ACTR3C: variants seen among roughly 807,000 people sequenced by gnomAD.
ACTR3C encodes actin-related protein 3C.
In ACTR3C, 18 loss-of-function variants were observed where a neutral mutation model predicts 26.3. The ratio of observed to expected loss-of-function variants is 0.68; its 90% confidence interval spans 0.47 to 1.01. The LOEUF (loss-of-function observed/expected upper bound fraction) is 1.01. Ranked by LOEUF, ACTR3C falls within the 50% of genes least tolerant of loss-of-function variation. The pLI is 0.00. For synonymous variants in ACTR3C, 55 were observed against 94.5 expected (o/e 0.58, Z 2.42); for missense variants, 184 against 250.7 (o/e 0.73, Z 1.80).
At chr7:150,170,325 G>A in the ACTR3C span, among the ~76,000 whole-genome samples, 1 of 150,810 alleles carries the variant, frequency 6.6e-6, no homozygotes, top group Non-Finnish European at 1.5e-5. Flanking sequence ...TTTGAAGGTG[G>A]CATCTCTTCA....
the ACTR3C span, among the ~76,000 whole-genome samples, chr7:150,087,964 T>C: frequency 1.1e-4 from 16 of 152,200 alleles, no homozygotes; most frequent in Admixed American, 3.3e-4. Flanking sequence ...ACAACAGCCA[T>C]TGTGAACTGT....
chr7:150,048,931 C>A, the ACTR3C span, among the ~76,000 whole-genome samples: 2 of 152,048 alleles, frequency 1.3e-5, no homozygotes, highest in African/African-American at 4.8e-5. Context: ...CCCTCGCGGG[C>A]GCTGCGCCCC....
chr7:149,930,292 TG>T, the ACTR3C span, among the ~76,000 whole-genome samples: 1 of 152,228 alleles, frequency 6.6e-6, no homozygotes, highest in African/African-American at 2.4e-5. Context: ...AGGGAAAATG[TG>T]TCCTCAGAAA....
the ACTR3C span, among the ~76,000 whole-genome samples, chr7:150,013,579 C>T: frequency 1.7e-4 from 26 of 152,320 alleles, no homozygotes; most frequent in Middle Eastern, 3.4e-3. Context: ...TGGGATTGGC[C>T]GTTCCCTCCT....
chr7:150,093,446 A>T, the ACTR3C span, among the ~76,000 whole-genome samples: 1 of 151,302 alleles, frequency 6.6e-6, no homozygotes, highest in Non-Finnish European at 1.5e-5. Flanking sequence ...AAGCCCAAAG[A>T]TACATCGACA....
At chr7:149,917,447 C>T in the ACTR3C span, among the ~76,000 whole-genome samples, 1 of 152,144 alleles carries the variant, frequency 6.6e-6, no homozygotes, top group East Asian at 1.9e-4. Flanking sequence ...TATCTTTTGA[C>T]AGCAGTAATA....
chr7:150,287,771 G>A (rs1835906080), intron 4 of ACTR3C, among the ~76,000 whole-genome samples: 1 of 147,472 alleles, frequency 6.8e-6, no homozygotes, highest in African/African-American at 2.6e-5. Context: ...TGTGTTCTTT[G>A]ATGACACAGA....
chr7:150,097,190 A>G, the ACTR3C span, among the ~76,000 whole-genome samples: 3 of 151,882 alleles, frequency 2.0e-5, no homozygotes, highest in Non-Finnish European at 4.4e-5. Context: ...TCCCCAAAGA[A>G]TCACAGGACT....
the ACTR3C span, among the ~76,000 whole-genome samples, chr7:150,058,592 T>A: frequency 1.3e-5 from 2 of 152,158 alleles, no homozygotes; most frequent in Admixed American, 6.5e-5. Flanking sequence ...TGTGAGGATT[T>A]GATGCTCAAA....
chr7:149,894,054 A>G, the ACTR3C span, among the ~76,000 whole-genome samples: 1 of 152,248 alleles, frequency 6.6e-6, no homozygotes, highest in Non-Finnish European at 1.5e-5. Context: ...TACAGTAATC[A>G]AAACAGCTTG....
chr7:150,274,332 A>G lies in ACTR3C; in HGVS notation c.564+10421T>C, dbSNP rs987380308. ...GCACACGCTCACTTCGTGTCTCTGT[A>G]TCAGCATATTTTAGCAATAACATAT... On this transcript the variant is annotated intron_variant, in intron 6 of 7. Coordinates refer to ENST00000683684, the MANE Select transcript of ACTR3C (RefSeq NM_001164458.2). This position sits in a 1 kb window ranked among gnomAD's most constrained non-coding sequence, Gnocchi z 4.1. 3.3e-5 allele frequency among the ~76,000 whole-genome samples: 5 copies of G among 152,214 alleles called. No homozygotes were observed. The highest frequency in any genetic ancestry group is 3.3e-4 in the Admixed American group (5 of 15,288).
chr7:150,286,622 T>A (rs1192645697), intron 4 of ACTR3C, 82 bp from the exon 5 acceptor site: 1 of 1,569,598 alleles, frequency 6.4e-7, no homozygotes, highest in African/African-American at 1.4e-5. Context: ...AGGAAGCCCA[T>A]GCAGTAAACA....
the ACTR3C span, among the ~76,000 whole-genome samples, chr7:149,890,180 T>C: frequency 4.6e-5 from 7 of 152,312 alleles, no homozygotes; most frequent in Non-Finnish European, 8.8e-5. Flanking sequence ...CATTTGACAA[T>C]GTACTTGCAT....
At chr7:150,017,574 C>CA in the ACTR3C span, among the ~76,000 whole-genome samples, 1 of 150,030 alleles carries the variant, frequency 6.7e-6, no homozygotes, top group South Asian at 2.1e-4. Context: ...TGCAGAGGAG[C>CA]AAGGAAGTCC....
At chr7:149,907,481 T>TCTCTCTCTCTCTCTCTCTCC in the ACTR3C span, among the ~76,000 whole-genome samples, 13 of 115,032 alleles carry the variant, frequency 1.1e-4, no homozygotes, top group African/African-American at 5.7e-4. Context: ...TCTTCTCTTC[T>TCTCTCTCTCTCTCTCTCTCC]CTCTCTCTCT....
the ACTR3C span, among the ~76,000 whole-genome samples, chr7:149,917,420 T>A: frequency 2.0e-5 from 3 of 152,248 alleles, no homozygotes; most frequent in African/African-American, 7.2e-5. Flanking sequence ...TCTTTCACTT[T>A]ACTTGTTAAA....
At chr7:150,219,036 C>G in the ACTR3C span, among the ~76,000 whole-genome samples, 6 of 152,216 alleles carry the variant, frequency 3.9e-5, no homozygotes, top group African/African-American at 1.4e-4. Flanking sequence ...GAAGAAAATG[C>G]TTGATATTAC....
In ACTR3C at chr7:150,255,183, T is replaced by A. The variant is rs1294931955; in HGVS notation, c.565-6129A>T. The stretch of plus-strand genomic sequence containing the variant: ...CGTGTTCAATGGAAGGAAATGCTCC[T>A]TGCTGGGGCGAAGATGCTTCCTAGG... On this transcript the variant is annotated intron_variant, in intron 6 of 7. Coordinates refer to ENST00000683684, the MANE Select transcript of ACTR3C (RefSeq NM_001164458.2). 2.6e-5 allele frequency among the ~76,000 whole-genome samples: 4 copies of A among 151,644 alleles called. No individual in the cohort carries two copies. The East Asian group carries it at 7.7e-4, about 29-fold the overall frequency.
the ACTR3C span, among the ~76,000 whole-genome samples, chr7:150,222,859 T>TTTTTCTTCCATGGCACGAATAG: frequency 6.6e-6 from 1 of 152,260 alleles, no homozygotes; most frequent in Non-Finnish European, 1.5e-5. Context: ...TAACAGCAAT[T>TTTTTCTTCCATGGCACGAATAG]TTTTCTTCCA....
Sources: allele counts gnomAD v4.1 joint callset (sites outside exome capture counted in the v4.1 genomes callset), GRCh38; gene constraint gnomAD v4.1.1; non-coding constraint Gnocchi (gnomAD v3.1); transcripts MANE v1.5; gene names NCBI Gene and HGNC (gene_info 2026-07-23, HGNC 2026-07-21).